Variants in PTCHD4 observed in about 807,000 individuals in gnomAD.
The protein encoded by PTCHD4 is patched domain containing 4.
PTCHD4 carries 33 observed loss-of-function variants against 58.1 expected under a neutral mutation model. The observed-to-expected ratio is 0.57, with a 90% CI of 0.43 to 0.76. The LOEUF is 0.76. PTCHD4 is among the 30% of genes least tolerant of loss of function. The probability of loss-of-function intolerance (pLI) is 0.00; values close to 1 mark genes in which losing one functional copy is unlikely to be tolerated. For missense variants in PTCHD4, 1,058 were observed against 1,027.1 expected, an observed-to-expected ratio of 1.03 and a Z score of -0.41; for synonymous variants, 478 against 409.6, an observed-to-expected ratio of 1.17 and a Z score of -2.02.
chr6:47,941,738 C>T (rs2113925998), intron 4 of PTCHD4, among the ~76,000 whole-genome samples: 1 of 152,238 alleles, frequency 6.6e-6, no homozygotes, highest in Middle Eastern at 3.4e-3. Flanking sequence ...ACCTACCTTA[C>T]AGGGTGGTTA....
At chr6:47,896,661 T>C (rs1446760789) in intron 4 of PTCHD4, among the ~76,000 whole-genome samples, 2 of 152,186 alleles carry the variant, frequency 1.3e-5, no homozygotes, top group Non-Finnish European at 2.9e-5. Flanking sequence ...TATTCTTTCC[T>C]AAGGTATTGA....
At chr6:48,010,112 G>A (rs1231539616) in intron 3 of PTCHD4, among the ~76,000 whole-genome samples, 1 of 152,120 alleles carries the variant, frequency 6.6e-6, no homozygotes, top group African/African-American at 2.4e-5. Context: ...TATTTCAATG[G>A]CAATGGTTCT....
chr6:48,037,904 TA>T (rs200442793), intron 3 of PTCHD4, among the ~76,000 whole-genome samples: 117 of 93,478 alleles, frequency 1.3e-3, no homozygotes, highest in Admixed American at 1.6e-3. Context: ...ATGCTAAAAG[TA>T]AAAAAAAAAA....
chr6:47,890,075 A>G (rs1764328593), intron 4 of PTCHD4, among the ~76,000 whole-genome samples: 1 of 114,226 alleles, frequency 8.8e-6, no homozygotes, highest in Non-Finnish European at 2.0e-5. Flanking sequence ...GTGCATATAT[A>G]CAGATATACA....
chr6:47,857,000 A>G lies in PTCHD4; in HGVS notation c.*21303T>C, dbSNP rs1161523479. Among the ~76,000 whole-genome samples, 1 of 152,094 alleles carries G rather than the reference A, an allele frequency of 6.6e-6. No individual in the cohort carries two copies. The highest frequency in any genetic ancestry group is 1.5e-5 in the Non-Finnish European group (1 of 67,984). ...AAACTGCCAAAAGCTGAAGCATGAC[A>G]ACATTGATGATCAAGGTTGCTTAGG... On this transcript the variant is annotated 3_prime_UTR_variant, in exon 5 of 5. Transcript: ENST00000339488.
At position 47,906,934 on chromosome 6, in the gene PTCHD4, A is replaced by G. The variant is rs200303887; in HGVS notation, c.899-26998T>C. 1.2e-4 allele frequency among the ~76,000 whole-genome samples: 18 copies of G among 152,206 alleles called. No individual in the cohort carries two copies. In the East Asian group the frequency reaches 3.3e-3, roughly 28 times the overall value. ...TAATTATTACTCATGCAGAAACTTA[A>G]TCATAAGTCAGTTTAGGAAAGAGAC... On this transcript the variant is annotated intron_variant, in intron 4 of 4. Coordinates refer to ENST00000339488, the MANE Select transcript of PTCHD4 (RefSeq NM_001384253.1).
intron 3 of PTCHD4, among the ~76,000 whole-genome samples, chr6:48,064,497 A>T (rs1370470274): frequency 6.6e-6 from 1 of 152,160 alleles, no homozygotes; most frequent in Non-Finnish European, 1.5e-5. Context: ...TTACTTAAAA[A>T]TTCAGTCTGC....
At chr6:48,074,191 C>A (rs1312463241) in intron 1 of PTCHD4, among the ~76,000 whole-genome samples, 1 of 151,830 alleles carries the variant, frequency 6.6e-6, no homozygotes, top group African/African-American at 2.4e-5. Context: ...ATTTTAGAGG[C>A]AATTTTGGTC....
intron 4 of PTCHD4, among the ~76,000 whole-genome samples, chr6:47,956,554 C>T: frequency 6.6e-6 from 1 of 152,066 alleles, no homozygotes; most frequent in East Asian, 1.9e-4. Context: ...CTGCCTCAGC[C>T]TCCCAAGTAG....
intron 4 of PTCHD4, among the ~76,000 whole-genome samples, chr6:47,897,854 T>C (rs934079434): frequency 1.3e-5 from 2 of 152,028 alleles, no homozygotes; most frequent in South Asian, 2.1e-4. Flanking sequence ...TCTAACTTAA[T>C]AGACATGCCA....
At chr6:47,893,387 T>C (rs1162691895) in intron 4 of PTCHD4, among the ~76,000 whole-genome samples, 4 of 152,206 alleles carry the variant, frequency 2.6e-5, no homozygotes, top group Non-Finnish European at 5.9e-5. Context: ...AGGTTGTATG[T>C]GTAGCAACTA....
Position 48,014,035 on chromosome 6 carries a change from C to CA in PTCHD4, c.418-4922dup, listed in dbSNP as rs200081396. 4.1e-3 allele frequency among the ~76,000 whole-genome samples: 613 copies of CA among 150,850 alleles called. 8 individuals carry two copies. The highest frequency in any genetic ancestry group is 0.013 in the African/African-American group (553 of 41,210). On this transcript the variant is annotated intron_variant, in intron 3 of 4. Coordinates refer to ENST00000339488, the MANE Select transcript of PTCHD4 (RefSeq NM_001384253.1). ...TGAAGTTGTCTAATTCCCATTTTTACAAAAAAAAAGTTTATAAAAGGTACA... is the reference window on the plus strand; with the variant it reads ...TGAAGTTGTCTAATTCCCATTTTTACAAAAAAAAAAGTTTATAAAAGGTACA...
chr6:47,993,458 T>C (rs1019516323), intron 4 of PTCHD4, among the ~76,000 whole-genome samples: 4 of 152,202 alleles, frequency 2.6e-5, no homozygotes, highest in Non-Finnish European at 5.9e-5. Flanking sequence ...GTAGGTAAAA[T>C]GAACCTTGAC....
At chr6:48,084,401 T>G (rs1008828771) in intron 1 of PTCHD4, among the ~76,000 whole-genome samples, 3 of 152,200 alleles carry the variant, frequency 2.0e-5, no homozygotes, top group Non-Finnish European at 2.9e-5. Flanking sequence ...ACTTTCATCA[T>G]AGTCACAAAA....
chr6:48,018,962 C>T (rs1265480161), intron 3 of PTCHD4, among the ~76,000 whole-genome samples: 1 of 152,164 alleles, frequency 6.6e-6, no homozygotes, highest in Non-Finnish European at 1.5e-5. Flanking sequence ...AAATTCTCTT[C>T]TAAAAAGGCT....
intron 4 of PTCHD4, among the ~76,000 whole-genome samples, chr6:47,932,286 C>T (rs973833838): frequency 6.6e-6 from 1 of 152,170 alleles, no homozygotes; most frequent in South Asian, 2.1e-4. Context: ...GGATTTAGCA[C>T]TGTGCTGTGT....
At chr6:48,017,372 T>C (rs951130236) in intron 3 of PTCHD4, among the ~76,000 whole-genome samples, 9 of 152,120 alleles carry the variant, frequency 5.9e-5, no homozygotes, top group African/African-American at 2.2e-4. Flanking sequence ...AAATAAGTAA[T>C]AAATTCAATT....
At chr6:47,971,444 G>T (rs1009524525) in intron 4 of PTCHD4, among the ~76,000 whole-genome samples, 1 of 152,114 alleles carries the variant, frequency 6.6e-6, no homozygotes, top group African/African-American at 2.4e-5. Context: ...CACCAATTCA[G>T]AACCTGAAGT....
intron 4 of PTCHD4, among the ~76,000 whole-genome samples, chr6:47,953,203 GC>G (rs1459359792): frequency 3.3e-5 from 5 of 151,740 alleles, no homozygotes; most frequent in Admixed American, 6.6e-5. Flanking sequence ...ACACTTGTAT[GC>G]AAAAAAGTGT....
Sources: allele counts gnomAD v4.1 joint callset (sites outside exome capture counted in the v4.1 genomes callset), GRCh38; gene constraint gnomAD v4.1.1; transcripts MANE v1.5; gene names NCBI Gene and HGNC (gene_info 2026-07-23, HGNC 2026-07-21).